The following ARHGAP26 variants were observed in gnomAD, a reference collection of about 807,000 sequenced individuals.
ARHGAP26 encodes the protein rho GTPase-activating protein 26.
A neutral mutation model predicts 104.8 loss-of-function variants in ARHGAP26; 38 were observed. The observed-to-expected ratio is 0.36, with a 90% confidence interval of 0.28 to 0.48. ARHGAP26 has a LOEUF of 0.48. Ranked by LOEUF, ARHGAP26 falls within the 20% of genes least tolerant of loss-of-function variation. ARHGAP26 has a pLI of 0.99. For missense variants in ARHGAP26, 704 were observed against 947.9 expected, an observed-to-expected ratio of 0.74 and a Z score of 3.38; for synonymous variants, 341 against 340.0, an observed-to-expected ratio of 1.00 and a Z score of -0.03.
chr5:142,958,769 A>G (rs1242874471), intron 11 of ARHGAP26, among the ~76,000 whole-genome samples: 2 of 151,892 alleles, frequency 1.3e-5, no homozygotes, highest in Admixed American at 6.6e-5. Context: ...AATGAGTGTC[A>G]TTAGCAAATT....
Position 142,779,231 on chromosome 5 carries a change from G to C in ARHGAP26, c.154+8316G>C, listed in dbSNP as rs74809949. Among the ~76,000 whole-genome samples, 790 of 152,298 alleles carry C rather than the reference G, an allele frequency of 5.2e-3. 16 individuals carry two copies. The highest frequency in any genetic ancestry group is 0.033 in the East Asian group (170 of 5,188). ...TAGTGACTGGGGTTTACACATTTTT[G>C]TAGCACCTCAGAATGGAGAGAGAGG... On this transcript the variant is annotated intron_variant, in intron 1 of 22. Transcript: ENST00000645722.
At chr5:143,182,827 T>C (rs933792290) in intron 20 of ARHGAP26, among the ~76,000 whole-genome samples, 7 of 152,180 alleles carry the variant, frequency 4.6e-5, no homozygotes, top group African/African-American at 1.7e-4. Context: ...CCCATGTAAA[T>C]AGTCATCTCC....
intron 17 of ARHGAP26, among the ~76,000 whole-genome samples, chr5:143,088,180 T>C (rs1430395396): frequency 6.6e-6 from 1 of 152,258 alleles, no homozygotes; most frequent in Non-Finnish European, 1.5e-5. Context: ...CTGTCCTTCA[T>C]AGGGCATTCT....
At chr5:143,220,665 G>T (rs1172953277) in intron 22 of ARHGAP26, among the ~76,000 whole-genome samples, 1 of 152,226 alleles carries the variant, frequency 6.6e-6, no homozygotes, top group African/African-American at 2.4e-5. Context: ...ACTGTCTCTT[G>T]TGTGGGTTGT....
intron 11 of ARHGAP26, among the ~76,000 whole-genome samples, chr5:142,955,135 C>T (rs1435502220): frequency 6.6e-6 from 1 of 150,840 alleles, no homozygotes; most frequent in Non-Finnish European, 1.5e-5. Flanking sequence ...CCCCCCATCT[C>T]TGCACACACA....
At chr5:143,082,249 C>T (rs140207306) in intron 17 of ARHGAP26, among the ~76,000 whole-genome samples, 6 of 152,166 alleles carry the variant, frequency 3.9e-5, no homozygotes, top group Non-Finnish European at 8.8e-5. Context: ...AATTATGTCA[C>T]CCTGGAGGTG....
At chr5:143,202,020 A>G (rs963582942) in intron 20 of ARHGAP26, among the ~76,000 whole-genome samples, 1 of 152,196 alleles carries the variant, frequency 6.6e-6, no homozygotes, top group African/African-American at 2.4e-5. Flanking sequence ...GGGGTGGTAA[A>G]GTCTCCCACT....
intron 11 of ARHGAP26, among the ~76,000 whole-genome samples, chr5:142,990,974 C>T (rs1302333568): frequency 6.6e-6 from 1 of 152,194 alleles, no homozygotes; most frequent in African/African-American, 2.4e-5. Context: ...GGGAGAACCA[C>T]TACTCTCTTC....
At position 143,037,267 on chromosome 5, in the gene ARHGAP26, G is replaced by A. The variant is rs1309661420; in HGVS notation, c.1210+6G>A. 2 of 1,593,132 alleles carry A rather than the reference G, an allele frequency of 1.3e-6. No individual in the cohort carries two copies. Among genetic ancestry groups the A allele is most frequent in the African/African-American group, 1.3e-5 (1 of 74,764 alleles). ...CCATGCTGTGGAAACCAGAGGTAAA[G>A]TAGTTTAACAGATGGCATTGTTCTC... On this transcript the variant is annotated splice_donor_region_variant and intron_variant, in intron 13 of 22. Transcript: ENST00000645722.
chr5:143,015,949 T>C (rs1408620332), intron 12 of ARHGAP26, among the ~76,000 whole-genome samples: 1 of 152,156 alleles, frequency 6.6e-6, no homozygotes, highest in Non-Finnish European at 1.5e-5. Context: ...ACCCTCTAAC[T>C]CCCCAATGGC....
intron 1 of ARHGAP26, among the ~76,000 whole-genome samples, chr5:142,843,740 C>T (rs1460377509): frequency 6.6e-6 from 1 of 152,160 alleles, no homozygotes; most frequent in Non-Finnish European, 1.5e-5. Flanking sequence ...CAGGTTCTAA[C>T]CAATCTCTCA....
At chr5:143,066,026 A>G (rs1353818015) in intron 17 of ARHGAP26, among the ~76,000 whole-genome samples, 1 of 152,204 alleles carries the variant, frequency 6.6e-6, no homozygotes, top group Non-Finnish European at 1.5e-5. Flanking sequence ...GTAAGCCTTT[A>G]TGTACAGTCA....
intron 17 of ARHGAP26, among the ~76,000 whole-genome samples, chr5:143,060,021 G>A (rs3776336): frequency 0.082 from 12,475 of 152,252 alleles, 1,593 homozygotes; most frequent in East Asian, 0.52. Context: ...ATCCAGAGGA[G>A]TTCTAAGATT....
intron 20 of ARHGAP26, among the ~76,000 whole-genome samples, chr5:143,155,139 C>T (rs1334370258): frequency 1.3e-5 from 2 of 152,192 alleles, no homozygotes; most frequent in South Asian, 4.1e-4. Flanking sequence ...TTGGAAATAA[C>T]CTGAACGCCT....
At chr5:143,048,348 C>T (rs1010368807) in intron 14 of ARHGAP26, among the ~76,000 whole-genome samples, 1 of 152,036 alleles carries the variant, frequency 6.6e-6, no homozygotes, top group Non-Finnish European at 1.5e-5. Context: ...GCAACCTCCA[C>T]CTCCTAGGTT....
chr5:143,141,571 C>G (rs757411454), intron 19 of ARHGAP26, among the ~76,000 whole-genome samples: 1 of 152,132 alleles, frequency 6.6e-6, no homozygotes, highest in Non-Finnish European at 1.5e-5. Context: ...CTAATTGCAC[C>G]TTTCATGTAC....
At chr5:142,991,597 C>T (rs1775621739) in intron 11 of ARHGAP26, among the ~76,000 whole-genome samples, 1 of 152,178 alleles carries the variant, frequency 6.6e-6, no homozygotes, top group Non-Finnish European at 1.5e-5. Context: ...GAACCTCCCC[C>T]ACTTTTTATC....
rs146227230 is a variant in ARHGAP26 at position 142,990,902 on chromosome 5, C to T, written c.1108-23178C>T. The stretch of plus-strand genomic sequence containing the variant: ...AGTGGTGTCTCCCAGTTAGGCTACT[C>T]GGGGGTCAGGGACCCACTTGAGGAG... On this transcript the variant is annotated intron_variant, in intron 11 of 22. Coordinates refer to ENST00000645722, the MANE Select transcript of ARHGAP26 (RefSeq NM_001135608.3). Among the ~76,000 whole-genome samples the T allele has an allele frequency of 1.3e-3, 193 of 152,276 alleles. 2 individuals are homozygous for T. Among genetic ancestry groups the T allele is most frequent in the African/African-American group, 4.3e-3 (178 of 41,568 alleles).
chr5:143,022,445 A>G (rs1172846459), intron 12 of ARHGAP26, among the ~76,000 whole-genome samples: 1 of 152,138 alleles, frequency 6.6e-6, no homozygotes, highest in African/African-American at 2.4e-5. Context: ...CAGATAGTAA[A>G]TATTTTTATT....
Sources: gnomAD v4.1 joint callset for allele counts (sites outside exome capture counted in the v4.1 genomes callset) on GRCh38, gnomAD v4.1.1 for gene constraint, MANE v1.5 for transcripts, NCBI Gene and HGNC (gene_info 2026-07-23, HGNC 2026-07-21) for gene names.